LYSMD3: variants seen among roughly 807,000 people sequenced by gnomAD.
LYSMD3 encodes the protein lysM and putative peptidoglycan-binding domain-containing protein 3.
Under a neutral mutation model 26.1 loss-of-function variants are expected in LYSMD3, and 13 were observed. The observed-to-expected ratio is 0.50, with a 90% CI of 0.32 to 0.79. LYSMD3 has a LOEUF of 0.79. LYSMD3 is among the 30% of genes least tolerant of loss of function. The pLI is 0.03. For missense variants in LYSMD3, 331 were observed against 362.5 expected (o/e 0.91, Z 0.71); for synonymous variants, 109 against 119.4 (o/e 0.91, Z 0.57).
chr5:90,520,689 G>A (rs1265780421), intron 2 of LYSMD3, among the ~76,000 whole-genome samples: 2 of 152,190 alleles, frequency 1.3e-5, no homozygotes, highest in East Asian at 1.9e-4. Context: ...GGAGGCCGAG[G>A]CAGGTAGATC....
In LYSMD3 at chr5:90,519,499, A is replaced by G; in HGVS notation, c.256-15T>C. The stretch of plus-strand genomic sequence containing the variant: ...ATATCTGCTACCTGTGGGGGGGAAA[A>G]AAAAGCAACATACAACTGAATTCCA... On this transcript the variant is annotated splice_polypyrimidine_tract_variant and intron_variant, in intron 2 of 2. Coordinates refer to ENST00000315948, the MANE Select transcript of LYSMD3 (RefSeq NM_198273.2). 1 of 1,585,220 alleles carries G rather than the reference A, an allele frequency of 6.3e-7. No individual in the cohort carries two copies. The highest frequency in any genetic ancestry group is 1.1e-5 in the South Asian group (1 of 87,646).
At chr5:90,520,987 A>G (rs1753076802) in intron 2 of LYSMD3, among the ~76,000 whole-genome samples, 2 of 152,128 alleles carry the variant, frequency 1.3e-5, no homozygotes, top group African/African-American at 4.8e-5. Flanking sequence ...AAAGCCTGAG[A>G]GAAAAAAGCA....
Position 90,518,463 on chromosome 5 carries a change from C to G in LYSMD3, c.*356G>C, listed in dbSNP as rs1015205850. 1.2e-5 allele frequency: 2 copies of G among 173,158 alleles called. No homozygotes were observed. The highest frequency in any genetic ancestry group is 1.2e-4 in the Admixed American group (2 of 16,630). 10.7% of individuals were successfully genotyped at this position (173,158 alleles called of 1,614,324 possible). A position where few individuals can be genotyped will look rare whatever the true frequency, so the allele number is the denominator to read the frequency against. ...TTTTTTCAGCTGCAGACATCTGATG[C>G]TATCATTCTGCATCATAAATTTAAC... is the stretch of plus-strand genomic sequence containing the variant. On this transcript the variant is annotated 3_prime_UTR_variant, in exon 3 of 3. Coordinates refer to ENST00000315948, the MANE Select transcript of LYSMD3 (RefSeq NM_198273.2).
At chr5:90,528,043 C>T (rs1753269106) in intron 1 of LYSMD3, among the ~76,000 whole-genome samples, 1 of 152,306 alleles carries the variant, frequency 6.6e-6, no homozygotes, top group African/African-American at 2.4e-5. Flanking sequence ...AAAACTATCA[C>T]ATTTTATATC....
chr5:90,515,837 G>A lies in LYSMD3; in HGVS notation c.*2982C>T, dbSNP rs552510771. ...TCAGATATTTCTATGATCTAACAGTGCAATATGCACATACGTGGAAGAAAA... is the reference window on the plus strand; with the variant it reads ...TCAGATATTTCTATGATCTAACAGTACAATATGCACATACGTGGAAGAAAA... On this transcript the variant is annotated 3_prime_UTR_variant, in exon 3 of 3. Coordinates refer to ENST00000315948, the MANE Select transcript of LYSMD3 (RefSeq NM_198273.2). The A allele has an allele frequency of 6.6e-6, 1 of 152,088 alleles. No homozygotes were observed. The highest frequency in any genetic ancestry group is 1.9e-4 in the East Asian group (1 of 5,196). The allele number at this position is 152,088 out of a possible 1,614,324, so 9.4% of individuals were successfully genotyped here.
intron 1 of LYSMD3, 63 bp downstream of exon 1, chr5:90,529,385 C>T (rs1753304133): frequency 2.2e-6 from 1 of 456,400 alleles, no homozygotes; most frequent in East Asian, 7.0e-5. Context: ...CGTGAGGACG[C>T]AGCTGGGGCT....
intron 2 of LYSMD3, among the ~76,000 whole-genome samples, chr5:90,523,168 TTAGA>T (rs755219936): frequency 2.0e-5 from 3 of 152,280 alleles, no homozygotes; most frequent in Non-Finnish European, 2.9e-5. Flanking sequence ...AGAAATAAAC[TTAGA>T]TATTTTCTGA....
chr5:90,525,574 C>T (rs1329203273), intron 1 of LYSMD3, among the ~76,000 whole-genome samples: 1 of 152,012 alleles, frequency 6.6e-6, no homozygotes, highest in Admixed American at 6.6e-5. Context: ...TTCAGTCTCC[C>T]GAGTAGCTGG....
At chr5:90,520,371 A>C (rs918585185) in intron 2 of LYSMD3, 2 of 456,086 alleles carry the variant, frequency 4.4e-6, no homozygotes, top group African/African-American at 4.0e-5. Flanking sequence ...CACCTGATTC[A>C]TGTCAGAGAG....
At position 90,517,078 on chromosome 5, in the gene LYSMD3, CTTCTT is replaced by C. The variant is rs973481083; in HGVS notation, c.*1736_*1740del. Reference sequence around the variant, plus strand: ...CACTAAGCATAAATTATATCACACTCTTCTTTTCAAGATGCCCAAGGCACATTAAA... The same window carrying C: ...CACTAAGCATAAATTATATCACACTCTTCAAGATGCCCAAGGCACATTAAA... On this transcript the variant is annotated 3_prime_UTR_variant, in exon 3 of 3. Transcript: ENST00000315948. The C allele has an allele frequency of 8.5e-5, 13 of 152,590 alleles. No homozygotes were observed. The East Asian group carries it at 1.5e-3, about 18-fold the overall frequency. 9.5% of individuals were successfully genotyped at this position (152,590 alleles called of 1,614,324 possible).
chr5:90,529,242 T>G (rs562859725), intron 1 of LYSMD3: 44 of 361,156 alleles, frequency 1.2e-4, no homozygotes, highest in South Asian at 8.9e-4. Flanking sequence ...AGCCTCAGTT[T>G]CCCCGACAGT....
At chr5:90,522,212 C>T (rs1446696765) in intron 2 of LYSMD3, among the ~76,000 whole-genome samples, 4 of 152,190 alleles carry the variant, frequency 2.6e-5, no homozygotes, top group Non-Finnish European at 4.4e-5. Flanking sequence ...TCTTCCTGCT[C>T]CAGCCATGTG....
intron 2 of LYSMD3, among the ~76,000 whole-genome samples, chr5:90,521,143 T>A (rs1384197644): frequency 3.3e-5 from 5 of 152,134 alleles, no homozygotes; most frequent in Non-Finnish European, 7.4e-5. Flanking sequence ...GCTTTGACAC[T>A]TTCTAGCTGT....
intron 2 of LYSMD3, 82 bp from the exon 3 acceptor site, chr5:90,519,566 T>A: frequency 1.4e-6 from 2 of 1,390,566 alleles, no homozygotes; most frequent in Non-Finnish European, 1.9e-6. Flanking sequence ...CTAGTTACTT[T>A]TGGAGGAAAA....
chr5:90,521,547 T>C (rs937157338), intron 2 of LYSMD3, among the ~76,000 whole-genome samples: 33 of 152,028 alleles, frequency 2.2e-4, no homozygotes, highest in African/African-American at 7.5e-4. Flanking sequence ...AAAGATAAAG[T>C]GTGTTTTATC....
chr5:90,525,322 G>C, intron 1 of LYSMD3, 22 bp from the exon 2 acceptor site: 1 of 1,558,110 alleles, frequency 6.4e-7, no homozygotes, highest in Non-Finnish European at 8.7e-7. Flanking sequence ...AAAAAGCAGA[G>C]AAAATTTTGG....
intron 2 of LYSMD3, among the ~76,000 whole-genome samples, chr5:90,523,569 T>C (rs1021807541): frequency 1.3e-5 from 2 of 152,038 alleles, no homozygotes; most frequent in African/African-American, 4.8e-5. Flanking sequence ...AGGAATGATA[T>C]AAAATCTCAT....
Position 90,518,797 on chromosome 5 carries a change from A to C in LYSMD3, c.*22T>G. On this transcript the variant is annotated 3_prime_UTR_variant, in exon 3 of 3. Transcript: ENST00000315948. ...ATTCCAGATGCACATGTGACCACTA[A>C]CATTTGATTATGAGCTAATTGCTAT... 1 of 1,444,822 alleles carries C rather than the reference A, an allele frequency of 6.9e-7. No homozygotes were observed. Among genetic ancestry groups the C allele is most frequent in the Non-Finnish European group, 9.5e-7 (1 of 1,049,438 alleles). 89.5% of individuals were successfully genotyped at this position (1,444,822 alleles called of 1,614,324 possible). A position where few individuals can be genotyped will look rare whatever the true frequency, so the allele number is the denominator to read the frequency against.
In LYSMD3 at chr5:90,519,254, T is replaced by A; in HGVS notation, c.486A>T (p.Lys162Asn). The A allele has an allele frequency of 6.2e-7, 1 of 1,614,014 alleles. No homozygotes were observed. The highest frequency in any genetic ancestry group is 1.7e-5 in the Admixed American group (1 of 60,020). The change falls in exon 3 of 3, where the codon AAA becomes AAT. Residue 162 changes from lysine to asparagine, a missense_variant. Coordinates refer to ENST00000315948, the MANE Select transcript of LYSMD3 (RefSeq NM_198273.2). ...TTTGTTCTATGTCTCGGTCTACTTC[T>A]TTTAAAAAGCTACCAGCTGAGTCAC... ...AYSDSAGSFL[K>N]EVDRDIEQIV...
Sources: gnomAD v4.1 joint callset for allele counts (sites outside exome capture counted in the v4.1 genomes callset) on GRCh38, gnomAD v4.1.1 for gene constraint, MANE v1.5 for transcripts, NCBI Gene and HGNC (gene_info 2026-07-23, HGNC 2026-07-21) for gene names.